The following FGGY variants were observed in gnomAD, a reference collection of about 807,000 sequenced individuals.
The protein encoded by FGGY is FGGY carbohydrate kinase domain containing.
In FGGY, 72 loss-of-function variants were observed where a neutral mutation model predicts 71.3. The ratio of observed to expected loss-of-function variants is 1.01; its 90% CI spans 0.84 to 1.23. The LOEUF is 1.23. FGGY is among the 50% of genes most tolerant of loss of function. The pLI is 0.00. For missense variants in FGGY, 668 were observed against 682.3 expected, an observed-to-expected ratio of 0.98 and a Z score of 0.23; for synonymous variants, 251 against 250.3, an observed-to-expected ratio of 1.00 and a Z score of -0.02.
chr1:59,321,471 T>C (rs2046370006), intron 1 of FGGY, 65 bp from the exon 2 acceptor site: 1 of 1,412,794 alleles, frequency 7.1e-7, no homozygotes, highest in Admixed American at 2.0e-5. Context: ...ACTTTTGAGA[T>C]GTTTTGTGAC....
intron 14 of FGGY, among the ~76,000 whole-genome samples, chr1:59,712,700 C>T (rs376658579): frequency 1.8e-4 from 28 of 151,710 alleles, no homozygotes; most frequent in African/African-American, 4.3e-4. Context: ...GCTATAGGGA[C>T]GCAGGGCACC....
At chr1:59,705,128 A>G (rs541836930) in intron 14 of FGGY, among the ~76,000 whole-genome samples, 11 of 152,282 alleles carry the variant, frequency 7.2e-5, no homozygotes, top group Non-Finnish European at 1.3e-4. Flanking sequence ...TCATTGATTT[A>G]GAGGAGTTCT....
chr1:59,679,786 T>C (rs1487239160), intron 14 of FGGY, among the ~76,000 whole-genome samples: 2 of 152,104 alleles, frequency 1.3e-5, no homozygotes, highest in Non-Finnish European at 2.9e-5. Context: ...AACTTCTTTA[T>C]TTATCATTTT....
intron 2 of FGGY, among the ~76,000 whole-genome samples, chr1:59,330,074 A>G (rs949759316): frequency 6.6e-6 from 1 of 152,258 alleles, no homozygotes; most frequent in African/African-American, 2.4e-5. Flanking sequence ...TCTCTTTCAT[A>G]GAACTCCATG....
chr1:59,580,852 T>C (rs1056908635), intron 8 of FGGY, among the ~76,000 whole-genome samples: 1 of 152,194 alleles, frequency 6.6e-6, no homozygotes, highest in Non-Finnish European at 1.5e-5. Flanking sequence ...CTTAATAGTT[T>C]AGAGAAAAGC....
chr1:59,575,148 C>G (rs1184905960), intron 8 of FGGY, among the ~76,000 whole-genome samples: 1 of 152,050 alleles, frequency 6.6e-6, no homozygotes, highest in African/African-American at 2.4e-5. Flanking sequence ...TAGTAATTTT[C>G]AAATATACAA....
At chr1:59,325,323 C>G (rs2047216870) in intron 2 of FGGY, among the ~76,000 whole-genome samples, 1 of 152,070 alleles carries the variant, frequency 6.6e-6, no homozygotes, top group Non-Finnish European at 1.5e-5. Flanking sequence ...CGCCATTGCA[C>G]TCCAGCCTGG....
chr1:59,468,815 T>C (rs11207458), intron 6 of FGGY, among the ~76,000 whole-genome samples: 61,050 of 148,186 alleles, frequency 0.41, 12,592 homozygotes, highest in Middle Eastern at 0.5. Context: ...GAGCTTGCAG[T>C]GAGCCAAGAT....
At chr1:59,625,925 T>C in intron 9 of FGGY, 63 bp from the exon 10 acceptor site, 2 of 1,281,258 alleles carry the variant, frequency 1.6e-6, no homozygotes, top group Non-Finnish European at 2.2e-6. Context: ...TTAATATAAA[T>C]TTTTCTATCT....
chr1:59,743,572 T>C (rs1162506754), intron 14 of FGGY, among the ~76,000 whole-genome samples: 23 of 150,098 alleles, frequency 1.5e-4, no homozygotes, highest in Admixed American at 1.5e-3. Context: ...CTAAGATTAA[T>C]ACAGGGCTGG....
chr1:59,668,210 T>C (rs527941054), intron 13 of FGGY, among the ~76,000 whole-genome samples: 189 of 152,288 alleles, frequency 1.2e-3, no homozygotes, highest in African/African-American at 4.3e-3. Context: ...GGCTTTCTGT[T>C]GTCGCAGAGA....
intron 5 of FGGY, among the ~76,000 whole-genome samples, chr1:59,385,297 T>A (rs2059948825): frequency 6.6e-6 from 1 of 152,212 alleles, no homozygotes; most frequent in South Asian, 2.1e-4. Flanking sequence ...GGCCCATGAT[T>A]AGTTTGTAAT....
chr1:59,411,665 T>C (rs148524505), intron 5 of FGGY, among the ~76,000 whole-genome samples: 131 of 152,370 alleles, frequency 8.6e-4, no homozygotes, highest in African/African-American at 2.8e-3. Flanking sequence ...CACTTATTTA[T>C]TCATTCAGTT....
chr1:59,356,251 C>T lies in FGGY; in HGVS notation c.465+9853C>T, dbSNP rs150711576. 5.6e-4 allele frequency among the ~76,000 whole-genome samples: 86 copies of T among 152,262 alleles called. No individual in the cohort carries two copies. In the East Asian group the frequency reaches 0.016, roughly 29 times the overall value. ...GTCATTACTTTTCCTCTAGCAAGCGCTTAGAGAAATGGAAAGGCATTCCAG... is the reference window on the plus strand; with the variant it reads ...GTCATTACTTTTCCTCTAGCAAGCGTTTAGAGAAATGGAAAGGCATTCCAG... On this transcript the variant is annotated intron_variant, in intron 4 of 15. Transcript: ENST00000303721.
intron 8 of FGGY, among the ~76,000 whole-genome samples, chr1:59,573,415 T>A (rs2096020058): frequency 6.6e-6 from 1 of 152,070 alleles, no homozygotes; most frequent in Middle Eastern, 3.2e-3. Context: ...TTCAAATGGT[T>A]CAGAAAAACT....
intron 6 of FGGY, among the ~76,000 whole-genome samples, chr1:59,459,441 A>G (rs1291643558): frequency 6.6e-6 from 1 of 152,198 alleles, no homozygotes; most frequent in Non-Finnish European, 1.5e-5. Context: ...ATATAGTAGA[A>G]ATTTCTTTAC....
At chr1:59,616,077 G>T (rs2096749883) in intron 9 of FGGY, among the ~76,000 whole-genome samples, 1 of 152,156 alleles carries the variant, frequency 6.6e-6, no homozygotes, top group Admixed American at 6.5e-5. Context: ...AGTCAGTGTG[G>T]TGATTCCTCA....
At chr1:59,369,931 G>C (rs902468973) in intron 4 of FGGY, among the ~76,000 whole-genome samples, 10 of 152,092 alleles carry the variant, frequency 6.6e-5, no homozygotes, top group Non-Finnish European at 1.3e-4. Flanking sequence ...CATCATCAAA[G>C]ACCAAAAGTA....
chr1:59,589,230 G>C (rs2096377095), intron 8 of FGGY, among the ~76,000 whole-genome samples: 1 of 152,078 alleles, frequency 6.6e-6, no homozygotes, highest in Admixed American at 6.6e-5. Context: ...AATTCAACAA[G>C]AGCTAACCAT....
Sources: allele counts gnomAD v4.1 joint callset (sites outside exome capture counted in the v4.1 genomes callset), GRCh38; gene constraint gnomAD v4.1.1; transcripts MANE v1.5; gene names NCBI Gene and HGNC (gene_info 2026-07-23, HGNC 2026-07-21).